Variants in CERKL observed in about 807,000 individuals in gnomAD.
CERKL encodes ceramide kinase-like protein.
CERKL carries 61 observed loss-of-function variants against 63.4 expected under a neutral mutation model. The observed-to-expected ratio is 0.96, with a 90% confidence interval of 0.78 to 1.19. CERKL has a LOEUF of 1.19. CERKL is among the 50% of genes most tolerant of loss of function. CERKL has a pLI of 0.00. For missense variants in CERKL, 675 were observed against 655.5 expected (o/e 1.03, Z -0.33); for synonymous variants, 250 against 230.5 (o/e 1.08, Z -0.77).
intron 5 of CERKL, among the ~76,000 whole-genome samples, chr2:181,555,497 TA>T (rs1688163948): frequency 6.6e-6 from 1 of 152,188 alleles, no homozygotes; most frequent in Non-Finnish European, 1.5e-5. Context: ...TCTCTCCTTT[TA>T]AATTCTGACT....
At position 181,544,728 on chromosome 2, in the gene CERKL, AGGT is replaced by A; in HGVS notation, c.1334_1336del (p.His445del). 6.2e-7 allele frequency: 1 copy of A among 1,606,598 alleles called. No individual in the cohort carries two copies. Among genetic ancestry groups the A allele is most frequent in the Non-Finnish European group, 8.5e-7 (1 of 1,174,496 alleles). On this transcript the variant is annotated inframe_deletion, in exon 11 of 13. Transcript: ENST00000410087. ...ATTTTTTACACTGGCATATCTTTTCAGGTGTTTTATAAATTCTGGCCGAGAAGT... is the reference window on the plus strand; with the variant it reads ...ATTTTTTACACTGGCATATCTTTTCAGTTTTATAAATTCTGGCCGAGAAGT...
In CERKL at chr2:181,638,469, T is replaced by C. The variant is rs528984883; in HGVS notation, c.238+18300A>G. ...CTCCCATTGGTCTAAAAATCCAAAA[T>C]GTGACAATTTGAAGATCAGTAAAAA... On this transcript the variant is annotated intron_variant, in intron 1 of 12. Coordinates refer to ENST00000410087, the MANE Select transcript of CERKL (RefSeq NM_201548.5). Among the ~76,000 whole-genome samples, 5 of 152,284 alleles carry C rather than the reference T, an allele frequency of 3.3e-5. No individual in the cohort carries two copies. The South Asian group carries it at 1.0e-3, about 32-fold the overall frequency.
chr2:181,628,181 C>G (rs1374431679), intron 1 of CERKL, among the ~76,000 whole-genome samples: 3 of 152,062 alleles, frequency 2.0e-5, no homozygotes, highest in Non-Finnish European at 4.4e-5. Context: ...CTTCAGACTC[C>G]AAAACGCAAC....
intron 1 of CERKL, among the ~76,000 whole-genome samples, chr2:181,618,473 G>A (rs536598285): frequency 6.6e-6 from 1 of 151,840 alleles, no homozygotes; most frequent in South Asian, 2.1e-4. Flanking sequence ...CTAGAGTCCA[G>A]TGGCGCAATC....
intron 2 of CERKL, among the ~76,000 whole-genome samples, chr2:181,583,108 C>T (rs1684602616): frequency 6.6e-6 from 1 of 151,628 alleles, no homozygotes; most frequent in African/African-American, 2.4e-5. Flanking sequence ...ATCAAATAAC[C>T]CCAGTTGCGA....
rs1559065823 is a variant in CERKL at position 181,538,190 on chromosome 2, T to C, written c.1593A>G (p.Pro531=). 7.6e-6 allele frequency: 12 copies of C among 1,569,288 alleles called. No homozygotes were observed. The highest frequency in any genetic ancestry group is 1.1e-5 in the Non-Finnish European group (12 of 1,140,698). The change falls in exon 13 of 13, where the codon CCA becomes CCG. Residue 531 remains proline (P), a synonymous_variant. Transcript: ENST00000410087. ...LYGGSMEEMI[P]K ...TTTTAGAAACAATTACATGTTACTT[T>C]GGAATCATTTCTTCCATGCTTCCTC... is the stretch of plus-strand genomic sequence containing the variant.
intron 2 of CERKL, among the ~76,000 whole-genome samples, chr2:181,585,144 C>A (rs1158340406): frequency 6.6e-6 from 1 of 152,012 alleles, no homozygotes; most frequent in Non-Finnish European, 1.5e-5. Context: ...CATACCATCA[C>A]TTGACATAAT....
At chr2:181,620,286 T>C (rs1328389405) in intron 1 of CERKL, among the ~76,000 whole-genome samples, 7 of 152,130 alleles carry the variant, frequency 4.6e-5, no homozygotes, top group Admixed American at 4.6e-4. Context: ...TCAAGGATAG[T>C]CATATGTACT....
chr2:181,564,838 C>T (rs757212548), intron 4 of CERKL, among the ~76,000 whole-genome samples: 7 of 152,148 alleles, frequency 4.6e-5, no homozygotes, highest in Non-Finnish European at 1.0e-4. Flanking sequence ...CCCACAAGGA[C>T]TTTTCTTAAA....
At chr2:181,635,269 G>A (rs1464600532) in intron 1 of CERKL, among the ~76,000 whole-genome samples, 1 of 152,092 alleles carries the variant, frequency 6.6e-6, no homozygotes, top group East Asian at 1.9e-4. Flanking sequence ...TGTGTTATTA[G>A]TTCAGAAGCT....
At chr2:181,626,124 CA>C (rs1187514001) in intron 1 of CERKL, among the ~76,000 whole-genome samples, 1 of 151,890 alleles carries the variant, frequency 6.6e-6, no homozygotes, top group Non-Finnish European at 1.5e-5. Context: ...ATTCTGACCC[CA>C]AAAAACCACC....
At chr2:181,538,835 C>T (rs1285532830) in intron 12 of CERKL, among the ~76,000 whole-genome samples, 1 of 152,088 alleles carries the variant, frequency 6.6e-6, no homozygotes, top group Non-Finnish European at 1.5e-5. Context: ...GTAGTTTATG[C>T]ACAACAATAA....
chr2:181,605,865 A>G (rs2105896691), intron 1 of CERKL, among the ~76,000 whole-genome samples: 1 of 152,220 alleles, frequency 6.6e-6, no homozygotes, highest in South Asian at 2.1e-4. Context: ...AAGTATGAAC[A>G]ATGTTATCCT....
intron 3 of CERKL, among the ~76,000 whole-genome samples, chr2:181,567,320 A>G (rs1169219275): frequency 2.6e-5 from 4 of 152,182 alleles, no homozygotes; most frequent in Admixed American, 2.6e-4. Context: ...AACATCTTAC[A>G]TATACACATT....
At chr2:181,568,203 A>C (rs962825496) in intron 3 of CERKL, among the ~76,000 whole-genome samples, 1 of 152,194 alleles carries the variant, frequency 6.6e-6, no homozygotes, top group African/African-American at 2.4e-5. Context: ...TTTGGACATA[A>C]GGAAACATTT....
In CERKL at chr2:181,537,730, A is replaced by AACAC; in HGVS notation, c.*450_*453dup. On this transcript the variant is annotated 3_prime_UTR_variant, in exon 13 of 13. Transcript: ENST00000410087. ...GCAAAGTTTTTTTGTGTGTCCAATA[A>AACAC]ACACATTGTAAAAAAAAGAATTTGA... is the stretch of plus-strand genomic sequence containing the variant. 2 of 440,058 alleles carry AACAC rather than the reference A, an allele frequency of 4.5e-6. No homozygotes were observed. The highest frequency in any genetic ancestry group is 9.1e-6 in the Non-Finnish European group (2 of 219,780). 27.3% of individuals were successfully genotyped at this position (440,058 alleles called of 1,614,324 possible). A position where few individuals can be genotyped will look rare whatever the true frequency, so the allele number is the denominator to read the frequency against.
chr2:181,635,312 T>C (rs1249940095), intron 1 of CERKL, among the ~76,000 whole-genome samples: 1 of 152,122 alleles, frequency 6.6e-6, no homozygotes, highest in Non-Finnish European at 1.5e-5. Flanking sequence ...TTTCCTCAAA[T>C]ATGAAAAATG....
At chr2:181,650,100 AGGG>A (rs1687847159) in intron 1 of CERKL, 3 of 62,752 alleles carry the variant, frequency 4.8e-5, no homozygotes, top group African/African-American at 2.3e-4. Flanking sequence ...GGAGGGAGGG[AGGG>A]AGGGAGGGAG....
rs1188920624 is a variant in CERKL, at chr2:181,550,804, AATAAGC to A, written c.821-1102_821-1097del. Among the ~76,000 whole-genome samples the A allele has an allele frequency of 6.6e-6, 1 of 152,160 alleles. No homozygotes were observed. Among genetic ancestry groups the A allele is most frequent in the Non-Finnish European group, 1.5e-5 (1 of 68,028 alleles). ...TATCATAATTTTTTAGGTAACTAAG[AATAAGC>A]ATATTTAATTATTATTAATTATAAA... On this transcript the variant is annotated intron_variant, in intron 5 of 12. Coordinates refer to ENST00000410087, the MANE Select transcript of CERKL (RefSeq NM_201548.5). This position sits in a 1 kb window ranked among gnomAD's most constrained non-coding sequence, Gnocchi z 4.5.
Sources: allele counts gnomAD v4.1 joint callset (sites outside exome capture counted in the v4.1 genomes callset), GRCh38; gene constraint gnomAD v4.1.1; non-coding constraint Gnocchi (gnomAD v3.1); transcripts MANE v1.5; gene names NCBI Gene and HGNC (gene_info 2026-07-23, HGNC 2026-07-21).